DOCK3: variants seen among roughly 807,000 people sequenced by gnomAD.
DOCK3 encodes dedicator of cytokinesis 3.
In DOCK3, 60 loss-of-function variants were observed where a neutral mutation model predicts 265.6. The ratio of observed to expected loss-of-function variants is 0.23; its 90% CI spans 0.18 to 0.28. The LOEUF (loss-of-function observed/expected upper bound fraction) is 0.28. DOCK3 is among the 10% of genes least tolerant of loss of function. The pLI, the probability that DOCK3 is intolerant of heterozygous loss-of-function variation, is 1.00. For synonymous variants in DOCK3, 881 were observed against 938.0 expected, an observed-to-expected ratio of 0.94 and a Z score of 1.11; for missense variants, 1,981 against 2,594.3, an observed-to-expected ratio of 0.76 and a Z score of 5.14.
intron 4 of DOCK3, among the ~76,000 whole-genome samples, chr3:50,890,734 A>G (rs912331082): frequency 2.6e-5 from 4 of 151,806 alleles, no homozygotes; most frequent in African/African-American, 7.2e-5. Context: ...GTAGCTTCCT[A>G]AAGTAGAAAT....
chr3:50,779,466 C>G (rs759875350), intron 2 of DOCK3, among the ~76,000 whole-genome samples: 11 of 152,152 alleles, frequency 7.2e-5, no homozygotes, highest in Admixed American at 7.2e-4. Context: ...TCACTGCAAC[C>G]TCTGCCTCCC....
intron 1 of DOCK3, among the ~76,000 whole-genome samples, chr3:50,714,198 CT>C (rs1180355562): frequency 6.6e-6 from 1 of 152,120 alleles, no homozygotes; most frequent in Non-Finnish European, 1.5e-5. Flanking sequence ...TCTCCCTTTT[CT>C]GCACTGTAAC....
chr3:50,978,893 G>T (rs1452447294), intron 5 of DOCK3, among the ~76,000 whole-genome samples: 1 of 152,208 alleles, frequency 6.6e-6, no homozygotes, highest in Non-Finnish European at 1.5e-5. Context: ...ATTCGGGTGG[G>T]AGTGACCCGA....
At chr3:51,310,438 T>C (rs1210502112) in intron 28 of DOCK3, 112 bp downstream of exon 28, 2 of 983,524 alleles carry the variant, frequency 2.0e-6, no homozygotes. Flanking sequence ...GCCAGGGCCA[T>C]GGGAACAGAG....
intron 2 of DOCK3, among the ~76,000 whole-genome samples, chr3:50,820,154 C>T (rs2044322757): frequency 6.6e-6 from 1 of 152,192 alleles, no homozygotes; most frequent in East Asian, 1.9e-4. Context: ...CATGCCGCTG[C>T]TCTGTCTGTA....
chr3:50,698,516 G>GGTTTTTTTTTTT (rs2035791793), intron 1 of DOCK3, among the ~76,000 whole-genome samples: 2 of 12,412 alleles, frequency 1.6e-4, no homozygotes, highest in Non-Finnish European at 2.2e-4. Flanking sequence ...GTATGTTTTT[G>GGTTTTTTTTTTT]GTTTTTTTTT....
chr3:51,099,261 T>C (rs1375465641), intron 9 of DOCK3, among the ~76,000 whole-genome samples: 4 of 152,238 alleles, frequency 2.6e-5, no homozygotes, highest in Non-Finnish European at 5.9e-5. Context: ...GTGAAACTTT[T>C]ACTTTAGATA....
intron 5 of DOCK3, among the ~76,000 whole-genome samples, chr3:51,017,703 A>C (rs569008500): frequency 6.6e-6 from 1 of 151,590 alleles, no homozygotes; most frequent in Admixed American, 6.6e-5. Flanking sequence ...GCTTTATTCC[A>C]TTGTGGTTAG....
Position 51,314,734 on chromosome 3 carries a change from A to G in DOCK3, c.3254-246A>G, listed in dbSNP as rs143640410. 4.0e-4 allele frequency among the ~76,000 whole-genome samples: 61 copies of G among 152,314 alleles called. 2 individuals carry two copies. Among genetic ancestry groups the G allele is most frequent in the Middle Eastern group, 6.8e-3 (2 of 294 alleles). On this transcript the variant is annotated intron_variant, in intron 31 of 52. Transcript: ENST00000266037. The stretch of plus-strand genomic sequence containing the variant: ...GAGAGATTTTCAGGTAGTTTGTGGG[A>G]CTGTCAGGAAATTCTTTGGAAAAGC...
intron 1 of DOCK3, among the ~76,000 whole-genome samples, chr3:50,733,714 G>T (rs1426875362): frequency 4.0e-5 from 6 of 151,718 alleles, no homozygotes; most frequent in Admixed American, 1.3e-4. Flanking sequence ...TAATCTATTT[G>T]CATTTAAAGC....
chr3:50,729,547 A>G (rs565914742), intron 1 of DOCK3, among the ~76,000 whole-genome samples: 1 of 151,796 alleles, frequency 6.6e-6, no homozygotes, highest in South Asian at 2.1e-4. Flanking sequence ...TATTTTATTT[A>G]TTTTTTAAGA....
At chr3:50,861,187 T>TGG (rs2046893621) in intron 3 of DOCK3, among the ~76,000 whole-genome samples, 1 of 152,194 alleles carries the variant, frequency 6.6e-6, no homozygotes, top group South Asian at 2.1e-4. Context: ...GTCGTTGTCC[T>TGG]GTCTTGCTTT....
chr3:50,755,978 G>A (rs1234473242), intron 1 of DOCK3, among the ~76,000 whole-genome samples: 1 of 152,188 alleles, frequency 6.6e-6, no homozygotes, highest in Non-Finnish European at 1.5e-5. Flanking sequence ...AAGTTTTAGA[G>A]CACAAGTGAA....
intron 5 of DOCK3, among the ~76,000 whole-genome samples, chr3:51,033,609 C>G (rs1297161625): frequency 6.6e-6 from 1 of 152,192 alleles, no homozygotes; most frequent in African/African-American, 2.4e-5. Context: ...TTTTGACAGA[C>G]ATTGAGTGGA....
At chr3:50,794,713 A>T (rs894651754) in intron 2 of DOCK3, among the ~76,000 whole-genome samples, 3 of 152,136 alleles carry the variant, frequency 2.0e-5, no homozygotes, top group African/African-American at 7.2e-5. Context: ...TAATTGGGGC[A>T]TTTATCCTGT....
chr3:50,891,349 A>G (rs1452611857), intron 4 of DOCK3, among the ~76,000 whole-genome samples: 1 of 152,122 alleles, frequency 6.6e-6, no homozygotes, highest in Non-Finnish European at 1.5e-5. Flanking sequence ...TAGTAAGAAT[A>G]TAACTTAGAA....
At chr3:50,758,836 G>A (rs2040355120) in intron 1 of DOCK3, among the ~76,000 whole-genome samples, 1 of 152,188 alleles carries the variant, frequency 6.6e-6, no homozygotes, top group African/African-American at 2.4e-5. Context: ...ACCATCATAA[G>A]TTGAGGATCA....
At chr3:51,159,414 C>A in intron 11 of DOCK3, 110 bp downstream of exon 11, 1 of 1,006,464 alleles carries the variant, frequency 9.9e-7, no homozygotes, top group Non-Finnish European at 1.5e-6. Flanking sequence ...AATTTCAGGT[C>A]TCAGGATTAG....
Position 50,891,516 on chromosome 3 carries a change from A to T in DOCK3, c.218+1435A>T, listed in dbSNP as rs140952641. Among the ~76,000 whole-genome samples the T allele has an allele frequency of 7.6e-3, 1,159 of 152,246 alleles. 18 individuals carry two copies. Among genetic ancestry groups the T allele is most frequent in the African/African-American group, 0.027 (1,115 of 41,570 alleles). On this transcript the variant is annotated intron_variant, in intron 4 of 52. Transcript: ENST00000266037. ...AATAATCTGCCATCTCAAGTTTATAAGTAAGGACTATCAAAAGTATCAAGC... is the reference window on the plus strand; with the variant it reads ...AATAATCTGCCATCTCAAGTTTATATGTAAGGACTATCAAAAGTATCAAGC...
Sources: allele counts gnomAD v4.1 joint callset (sites outside exome capture counted in the v4.1 genomes callset), GRCh38; gene constraint gnomAD v4.1.1; transcripts MANE v1.5; gene names NCBI Gene and HGNC (gene_info 2026-07-23, HGNC 2026-07-21).